DEPDC5: variants seen among roughly 807,000 people sequenced by gnomAD.
DEPDC5 encodes DEP domain containing 5, GATOR1 subcomplex subunit.
Under a neutral mutation model 217.3 loss-of-function variants are expected in DEPDC5, and 73 were observed. The ratio of observed to expected loss-of-function variants is 0.34; its 90% CI spans 0.28 to 0.41. The LOEUF is 0.41. Ranked by LOEUF, DEPDC5 falls within the 10% of genes least tolerant of loss-of-function variation. The pLI is 1.00. For synonymous variants in DEPDC5, 733 were observed against 756.7 expected, an observed-to-expected ratio of 0.97 and a Z score of 0.51; for missense variants, 1,675 against 2,070.1, an observed-to-expected ratio of 0.81 and a Z score of 3.70.
rs1448722103 is a variant in DEPDC5, at chr22:31,819,119, T to A, written c.1764T>A (p.Pro588=). 3.1e-6 allele frequency: 5 copies of A among 1,614,088 alleles called. No homozygotes were observed. The highest frequency in any genetic ancestry group is 4.2e-6 in the Non-Finnish European group (5 of 1,180,048). ...GSAESMLHVR[P]GGYTPQRALI... is the part of the protein sequence containing the mutation. ...CAGAATCCATGCTGCATGTTCGACC[T>A]GGTGGATACACGCCCCAGAGAGCAC... The change falls in exon 22 of 43, where the codon CCT becomes CCA. Residue 588 remains proline (P), a synonymous_variant. Transcript: ENST00000651528.
At chr22:31,770,943 C>T (rs963964143) in intron 7 of DEPDC5, among the ~76,000 whole-genome samples, 4 of 151,252 alleles carry the variant, frequency 2.6e-5, no homozygotes, top group Admixed American at 1.3e-4. Flanking sequence ...CCACCATGCC[C>T]GGCTAATTTT....
At position 31,848,992 on chromosome 22, in the gene DEPDC5, C is replaced by A. The variant is rs190540848; in HGVS notation, c.3155+2025C>A. Among the ~76,000 whole-genome samples the A allele has an allele frequency of 9.2e-5, 14 of 152,316 alleles. 1 individual carries two copies. Among genetic ancestry groups the A allele is most frequent in the Admixed American group, 9.2e-4 (14 of 15,290 alleles). On this transcript the variant is annotated intron_variant, in intron 31 of 42. Transcript: ENST00000651528. The stretch of plus-strand genomic sequence containing the variant: ...CTCCAGTTCCCAACAAGTTGCCCAT[C>A]TCCATCTGAGACCACTTCAGCCTAG...
chr22:31,755,268 GC>G (rs1280936802), intron 2 of DEPDC5: 1 of 430,986 alleles, frequency 2.3e-6, no homozygotes, highest in African/African-American at 2.0e-5. Context: ...TAAAATTCCA[GC>G]CTGCACTGGT....
At chr22:31,791,151 T>C (rs1243721315) in intron 10 of DEPDC5, among the ~76,000 whole-genome samples, 1 of 152,130 alleles carries the variant, frequency 6.6e-6, no homozygotes, top group African/African-American at 2.4e-5. Context: ...TACTTAATGC[T>C]GATTTGCAGT....
At chr22:31,839,727 A>G (rs151169200) in intron 27 of DEPDC5, among the ~76,000 whole-genome samples, 7 of 152,304 alleles carry the variant, frequency 4.6e-5, no homozygotes, top group African/African-American at 9.6e-5. Context: ...CCTTGTATTC[A>G]TCTTCCAGAC....
intron 12 of DEPDC5, among the ~76,000 whole-genome samples, chr22:31,796,258 A>G (rs867243232): frequency 9.9e-5 from 15 of 151,780 alleles, no homozygotes; most frequent in Non-Finnish European, 1.5e-4. Flanking sequence ...CTGCCACCAC[A>G]CCCGGCTAAT....
At chr22:31,883,258 A>T (rs957967559) in intron 38 of DEPDC5, among the ~76,000 whole-genome samples, 1 of 152,178 alleles carries the variant, frequency 6.6e-6, no homozygotes, top group Non-Finnish European at 1.5e-5. Flanking sequence ...CCAAGATTAG[A>T]GCAAAACCTG....
chr22:31,818,291 A>G (rs769893506), intron 21 of DEPDC5, among the ~76,000 whole-genome samples: 3 of 152,104 alleles, frequency 2.0e-5, no homozygotes, highest in Non-Finnish European at 4.4e-5. Flanking sequence ...TTTTAGCATA[A>G]TAACATTTTA....
chr22:31,882,410 T>C (rs909069778), intron 38 of DEPDC5, among the ~76,000 whole-genome samples: 5 of 152,230 alleles, frequency 3.3e-5, no homozygotes, highest in Non-Finnish European at 7.3e-5. Flanking sequence ...TATTGGATCA[T>C]GCATGGCGAC....
intron 24 of DEPDC5, among the ~76,000 whole-genome samples, chr22:31,826,766 C>G (rs1219223966): frequency 2.6e-5 from 4 of 152,156 alleles, no homozygotes; most frequent in Non-Finnish European, 4.4e-5. Context: ...TTCATTTTCT[C>G]CACTCAATGT....
chr22:31,841,461 G>A (rs1008387272), intron 27 of DEPDC5, among the ~76,000 whole-genome samples: 1 of 152,230 alleles, frequency 6.6e-6, no homozygotes, highest in Admixed American at 6.5e-5. Flanking sequence ...AGCAGCAAAA[G>A]GAGAGATTTA....
chr22:31,846,295 G>T (rs1346981274), intron 30 of DEPDC5, among the ~76,000 whole-genome samples: 1 of 152,156 alleles, frequency 6.6e-6, no homozygotes, highest in East Asian at 1.9e-4. Context: ...TCCAAGTTGT[G>T]TGTGTAAGTA....
chr22:31,831,941 G>A (rs1382567497), intron 24 of DEPDC5, among the ~76,000 whole-genome samples: 1 of 152,160 alleles, frequency 6.6e-6, no homozygotes, highest in Non-Finnish European at 1.5e-5. Context: ...GTCCGTCCAT[G>A]TGTTCTCTGG....
In DEPDC5 at chr22:31,754,337, T is replaced by G. The variant is rs144467498; in HGVS notation, c.-61+173T>G. The stretch of plus-strand genomic sequence containing the variant: ...CTGTGAAACGGAGTCAGGGAAGGTC[T>G]GCTGAGAGTTCGCACAGACCGAGGT... On this transcript the variant is annotated intron_variant, in intron 1 of 42. Transcript: ENST00000651528. Among the ~76,000 whole-genome samples the G allele has an allele frequency of 1.8e-3, 275 of 152,362 alleles. 1 individual carries two copies. The highest frequency in any genetic ancestry group is 6.1e-3 in the African/African-American group (252 of 41,588).
chr22:31,837,039 T>C lies in DEPDC5; in HGVS notation c.2238T>C (p.Ser746=). ...FCCTVGVDWK[S]LTTPACLPLT... The stretch of plus-strand genomic sequence containing the variant: ...GCACAGTTGGAGTGGACTGGAAGTC[T>C]CTCACTACTCCGGCGTGCCTCCCCC... The change falls in exon 26 of 43, where the codon TCT becomes TCC. Residue 746 remains serine, a synonymous_variant. Transcript: ENST00000651528. The C allele has an allele frequency of 6.2e-7, 1 of 1,614,148 alleles. No individual in the cohort carries two copies. Among genetic ancestry groups the C allele is most frequent in the Non-Finnish European group, 8.5e-7 (1 of 1,180,028 alleles).
intron 38 of DEPDC5, 91 bp downstream of exon 38, chr22:31,879,843 C>T: frequency 7.8e-7 from 1 of 1,283,190 alleles, no homozygotes; most frequent in Non-Finnish European, 1.1e-6. Flanking sequence ...GCCACATGAA[C>T]CAGGATTAGA....
chr22:31,815,554 A>T, intron 21 of DEPDC5: 1 of 605,066 alleles, frequency 1.7e-6, no homozygotes. Flanking sequence ...GCTGATTATC[A>T]TATTTTTTTT....
At chr22:31,873,175 G>A in intron 34 of DEPDC5, 80 bp from the exon 35 acceptor site, 2 of 1,609,438 alleles carry the variant, frequency 1.2e-6, no homozygotes, top group Non-Finnish European at 1.7e-6. Flanking sequence ...TCCATAGGAA[G>A]TGGAGACTGT....
chr22:31,887,008 G>C (rs980661390), intron 38 of DEPDC5, among the ~76,000 whole-genome samples: 1 of 151,472 alleles, frequency 6.6e-6, no homozygotes, highest in African/African-American at 2.4e-5. Flanking sequence ...GCTTGAACCC[G>C]GGAGGTGGAG....
Sources: allele counts gnomAD v4.1 joint callset (sites outside exome capture counted in the v4.1 genomes callset), GRCh38; gene constraint gnomAD v4.1.1; transcripts MANE v1.5; gene names NCBI Gene and HGNC (gene_info 2026-07-23, HGNC 2026-07-21).